Variants in MEI1 observed in about 807,000 individuals in gnomAD.
MEI1 encodes meiosis inhibitor protein 1.
In MEI1, 103 loss-of-function variants were observed where a neutral mutation model predicts 146.2. The observed-to-expected ratio is 0.70, with a 90% confidence interval of 0.60 to 0.83. The LOEUF is 0.83. Ranked by LOEUF, MEI1 falls within the 40% of genes least tolerant of loss-of-function variation. The pLI, the probability that MEI1 is intolerant of heterozygous loss-of-function variation, is 0.00. For synonymous variants in MEI1, 652 were observed against 628.2 expected (o/e 1.04, Z -0.57); for missense variants, 1,529 against 1,533.0 (o/e 1.00, Z 0.04).
chr22:41,738,455 C>T (rs1016828949), intron 11 of MEI1, among the ~76,000 whole-genome samples: 1 of 152,036 alleles, frequency 6.6e-6, no homozygotes, highest in Non-Finnish European at 1.5e-5. Context: ...AGCACAGTGG[C>T]GGGTGCCTGT....
chr22:41,721,854 G>A (rs574816746), intron 6 of MEI1, among the ~76,000 whole-genome samples: 128 of 149,550 alleles, frequency 8.6e-4, no homozygotes, highest in African/African-American at 3.0e-3. Context: ...CCGAGTAGCT[G>A]GGACTACAGG....
intron 18 of MEI1, 105 bp downstream of exon 18, chr22:41,758,638 G>T: frequency 8.5e-7 from 1 of 1,170,540 alleles, no homozygotes; most frequent in South Asian, 1.6e-5. Flanking sequence ...TGGGCACTGG[G>T]GACACGGGGA....
intron 6 of MEI1, among the ~76,000 whole-genome samples, chr22:41,723,610 A>T (rs975142359): frequency 6.6e-6 from 1 of 152,138 alleles, no homozygotes; most frequent in African/African-American, 2.4e-5. Context: ...ATGTGTCAGG[A>T]ACTGTGCCAG....
At chr22:41,788,265 G>C (rs544466722) in intron 26 of MEI1, among the ~76,000 whole-genome samples, 43 of 152,118 alleles carry the variant, frequency 2.8e-4, no homozygotes, top group African/African-American at 8.7e-4. Context: ...GTGACCTCAA[G>C]TGATCCACCT....
chr22:41,766,439 G>A (rs1298155654), intron 19 of MEI1, among the ~76,000 whole-genome samples: 2 of 152,002 alleles, frequency 1.3e-5, no homozygotes, highest in Non-Finnish European at 2.9e-5. Flanking sequence ...CAAAGTGCTG[G>A]GATTACAGGT....
At chr22:41,740,338 C>CT (rs1854142092) in intron 11 of MEI1, among the ~76,000 whole-genome samples, 1 of 151,710 alleles carries the variant, frequency 6.6e-6, no homozygotes, top group Admixed American at 6.6e-5. Flanking sequence ...TTACTTTTGA[C>CT]TTTAACTTCC....
chr22:41,756,631 G>A (rs964120799), intron 17 of MEI1, among the ~76,000 whole-genome samples: 13 of 150,324 alleles, frequency 8.6e-5, no homozygotes, highest in South Asian at 2.1e-4. Context: ...TTGCCACCAC[G>A]CTTGTCTAAT....
intron 8 of MEI1, among the ~76,000 whole-genome samples, chr22:41,730,067 A>G (rs2071723647): frequency 6.6e-6 from 1 of 152,198 alleles, no homozygotes; most frequent in Non-Finnish European, 1.5e-5. Context: ...TATGAGATGC[A>G]TTGCAAATGT....
At chr22:41,775,797 T>A (rs1295741755) in intron 20 of MEI1, among the ~76,000 whole-genome samples, 1 of 152,040 alleles carries the variant, frequency 6.6e-6, no homozygotes, top group South Asian at 2.1e-4. Flanking sequence ...GGTTTCACCG[T>A]GTTAGCCAGG....
At chr22:41,762,686 C>T (rs548806438) in intron 18 of MEI1, among the ~76,000 whole-genome samples, 1 of 151,928 alleles carries the variant, frequency 6.6e-6, no homozygotes, top group Admixed American at 6.6e-5. Context: ...CACACCTGGC[C>T]GTTTTCACTT....
chr22:41,784,830 G>T, intron 26 of MEI1, 47 bp downstream of exon 26: 1 of 1,484,848 alleles, frequency 6.7e-7, no homozygotes, highest in Non-Finnish European at 9.0e-7. Flanking sequence ...GACAACAGCA[G>T]GAAGGGGTGG....
intron 19 of MEI1, among the ~76,000 whole-genome samples, chr22:41,766,389 C>A (rs1170292305): frequency 6.7e-6 from 1 of 148,654 alleles, no homozygotes; most frequent in African/African-American, 2.5e-5. Flanking sequence ...CCAGGCTGGT[C>A]TCGAACTCCT....
At chr22:41,727,354 A>G (rs1295530686) in intron 7 of MEI1, among the ~76,000 whole-genome samples, 1 of 152,086 alleles carries the variant, frequency 6.6e-6, no homozygotes, top group East Asian at 1.9e-4. Context: ...GCTTTTCTTG[A>G]TTTCTGAAAG....
intron 26 of MEI1, among the ~76,000 whole-genome samples, chr22:41,786,199 C>G (rs922417870): frequency 3.9e-5 from 6 of 152,176 alleles, no homozygotes; most frequent in African/African-American, 1.4e-4. Context: ...CGTGAGCCAC[C>G]GCGCCCGGCC....
At chr22:41,763,708 TCAGC>T (rs1291938825) in intron 19 of MEI1, among the ~76,000 whole-genome samples, 1 of 151,770 alleles carries the variant, frequency 6.6e-6, no homozygotes, top group Non-Finnish European at 1.5e-5. Context: ...TTCTCCTGCC[TCAGC>T]CAGGAGTTCA....
At chr22:41,796,052 T>G (rs2076346059) in intron 30 of MEI1, among the ~76,000 whole-genome samples, 1 of 152,172 alleles carries the variant, frequency 6.6e-6, no homozygotes, top group Non-Finnish European at 1.5e-5. Context: ...GGCATCATGC[T>G]TCAGGACCTA....
At chr22:41,737,558 A>C (rs2072488568) in intron 11 of MEI1, among the ~76,000 whole-genome samples, 1 of 142,774 alleles carries the variant, frequency 7.0e-6, no homozygotes, top group South Asian at 2.2e-4. Flanking sequence ...CTGGGGGGTG[A>C]GGGGTCAGAG....
intron 6 of MEI1, among the ~76,000 whole-genome samples, chr22:41,718,858 A>G (rs2070456321): frequency 6.6e-6 from 1 of 151,676 alleles, no homozygotes; most frequent in Admixed American, 6.6e-5. Context: ...AGGGGACTGA[A>G]CTTGTCCTTT....
intron 19 of MEI1, among the ~76,000 whole-genome samples, chr22:41,769,703 C>G (rs1012442304): frequency 1.3e-5 from 2 of 151,326 alleles, no homozygotes; most frequent in Non-Finnish European, 2.9e-5. Flanking sequence ...AACTCCCGAC[C>G]TCAGGTGATC....
Sources: allele counts gnomAD v4.1 joint callset (sites outside exome capture counted in the v4.1 genomes callset), GRCh38; gene constraint gnomAD v4.1.1; transcripts MANE v1.5; gene names NCBI Gene and HGNC (gene_info 2026-07-23, HGNC 2026-07-21).